Variants in SH2D3C observed in about 807,000 individuals in gnomAD.
The protein encoded by SH2D3C is SH2 domain-containing protein 3C.
SH2D3C carries 25 observed loss-of-function variants against 75.2 expected under a neutral mutation model. That is an observed-to-expected ratio of 0.33 (90% CI 0.24 to 0.46). The LOEUF is 0.46. Among genes scored for constraint, SH2D3C ranks in the 20% least tolerant of loss-of-function variants. The pLI is 1.00. For missense variants in SH2D3C, 933 were observed against 1,165.3 expected (o/e 0.80, Z 2.90); for synonymous variants, 450 against 473.7 (o/e 0.95, Z 0.65).
Position 127,754,762 on chromosome 9 carries a change from G to A in SH2D3C, c.556-3462C>T, listed in dbSNP as rs1845311454. 1.3e-5 allele frequency: 6 copies of A among 468,230 alleles called. No homozygotes were observed. Among genetic ancestry groups the A allele is most frequent in the East Asian group, 7.0e-5 (1 of 14,314 alleles). The allele number at this position is 468,230 out of a possible 1,614,324, so 29.0% of individuals were successfully genotyped here. A position where few individuals can be genotyped will look rare whatever the true frequency, so the allele number is the denominator to read the frequency against. ...CAGCGTACCAGGCGGAGGACCGGCA[G>A]GACGCCGGAGACCCCATCTCCCAGT... On this transcript the variant is annotated intron_variant, in intron 3 of 11. Transcript: ENST00000314830. This position sits in a 1 kb window ranked among gnomAD's most constrained non-coding sequence, Gnocchi z 4.4.
At chr9:127,743,068 G>A in intron 7 of SH2D3C, 104 bp from the exon 8 acceptor site, 1 of 711,514 alleles carries the variant, frequency 1.4e-6, no homozygotes, top group Non-Finnish European at 2.3e-6. Flanking sequence ...CTGGTTGGGA[G>A]GCGGGGTTTG....
chr9:127,740,000 G>A lies in SH2D3C; in HGVS notation c.2201-112C>T. ...ACGGGCCTGGCTGAGGTCCGGGAGA[G>A]AGCCCCAAGGGCTCCTGACTCCTGG... On this transcript the variant is annotated intron_variant, in intron 10 of 11. Transcript: ENST00000314830. This position sits in a 1 kb window ranked among gnomAD's most constrained non-coding sequence, Gnocchi z 4.3. 1 of 1,035,304 alleles carries A rather than the reference G, an allele frequency of 9.7e-7. No individual in the cohort carries two copies. The highest frequency in any genetic ancestry group is 1.4e-6 in the Non-Finnish European group (1 of 723,628). 64.1% of individuals were successfully genotyped at this position (1,035,304 alleles called of 1,614,324 possible).
At chr9:127,770,340 C>T (rs1156401608) in intron 2 of SH2D3C, among the ~76,000 whole-genome samples, 3 of 152,152 alleles carry the variant, frequency 2.0e-5, no homozygotes, top group Admixed American at 6.5e-5. Flanking sequence ...GGGATGGCCT[C>T]CTCTAGACAC....
chr9:127,750,861 A>T (rs532873332), intron 4 of SH2D3C, among the ~76,000 whole-genome samples: 2 of 152,394 alleles, frequency 1.3e-5, no homozygotes, highest in East Asian at 3.8e-4. Context: ...AGTAACAATA[A>T]CAGCATAATA....
chr9:127,773,100 G>GCTCATAAGC, intron 2 of SH2D3C, among the ~76,000 whole-genome samples: 1 of 152,270 alleles, frequency 6.6e-6, no homozygotes, highest in East Asian at 1.9e-4. Context: ...ATGAGCCACT[G>GCTCATAAGC]CACCCAGCCT....
At position 127,751,644 on chromosome 9, in the gene SH2D3C, G is replaced by A. The variant is rs547606230; in HGVS notation, c.556-344C>T. Among the ~76,000 whole-genome samples the A allele has an allele frequency of 1.3e-5, 2 of 152,358 alleles. No individual in the cohort carries two copies. Among genetic ancestry groups the A allele is most frequent in the South Asian group, 4.1e-4 (2 of 4,826 alleles). On this transcript the variant is annotated intron_variant, in intron 3 of 11. Transcript: ENST00000314830. This position sits in a 1 kb window ranked among gnomAD's most constrained non-coding sequence, Gnocchi z 4.1. ...GGTCAGCACCACAGCGCTGGACAGC[G>A]GCAAAGAGCCGGGTGGCTTTTACAA...
In SH2D3C at chr9:127,773,984, A is replaced by G. The variant is rs1325674154; in HGVS notation, c.515+6T>C. On this transcript the variant is annotated splice_donor_region_variant and intron_variant, in intron 2 of 11. Transcript: ENST00000314830. ...TGCAGGTCCCAACCAGCCCCTGGGC[A>G]CCTACCTTTCTGAGTGCACGTCCCT... 6.4e-7 allele frequency: 1 copy of G among 1,573,556 alleles called. No individual in the cohort carries two copies. The highest frequency in any genetic ancestry group is 8.7e-7 in the Non-Finnish European group (1 of 1,146,080).
chr9:127,744,525 G>A (rs746714693), intron 7 of SH2D3C, 39 bp downstream of exon 7: 20 of 1,567,918 alleles, frequency 1.3e-5, no homozygotes, highest in Non-Finnish European at 1.7e-5. Context: ...CCACAGAACA[G>A]AGATGCTCCC....
chr9:127,754,538 G>A lies in SH2D3C; in HGVS notation c.556-3238C>T, dbSNP rs943630385. ...GCCGCGGCGCCGTCCTGCACTGCCC[G>A]GCCAGCTGGGCTGGGAGAGACCCGC... On this transcript the variant is annotated intron_variant, in intron 3 of 11. Transcript: ENST00000314830. This position sits in a 1 kb window ranked among gnomAD's most constrained non-coding sequence, Gnocchi z 4.4. 6.6e-6 allele frequency among the ~76,000 whole-genome samples: 1 copy of A among 152,122 alleles called. No individual in the cohort carries two copies. The highest frequency in any genetic ancestry group is 2.4e-5 in the African/African-American group (1 of 41,438).
intron 2 of SH2D3C, among the ~76,000 whole-genome samples, chr9:127,769,210 C>CAAAATGACA (rs2131805477): frequency 6.6e-6 from 1 of 152,302 alleles, no homozygotes; most frequent in Non-Finnish European, 1.5e-5. Flanking sequence ...GTACCTCAGT[C>CAAAATGACA]AAAATGACAA....
intron 4 of SH2D3C, among the ~76,000 whole-genome samples, chr9:127,750,572 A>C (rs1371501726): frequency 1.3e-5 from 2 of 152,158 alleles, no homozygotes; most frequent in African/African-American, 4.8e-5. Flanking sequence ...CTAGGCTCTG[A>C]CTGTCATCCT....
At chr9:127,755,481 C>T (rs1380604091) in intron 3 of SH2D3C, among the ~76,000 whole-genome samples, 1 of 152,150 alleles carries the variant, frequency 6.6e-6, no homozygotes, top group Non-Finnish European at 1.5e-5. Context: ...AGGGTATTAC[C>T]GGGGGCAGCG....
chr9:127,757,564 C>T (rs1015485895), intron 3 of SH2D3C, among the ~76,000 whole-genome samples: 13 of 150,698 alleles, frequency 8.6e-5, no homozygotes, highest in African/African-American at 2.9e-4. Context: ...CTGAGTAGCT[C>T]TGAGTAGCTG....
Position 127,747,150 on chromosome 9 carries a change from T to C in SH2D3C, c.1261A>G (p.Thr421Ala). 1 of 1,613,786 alleles carries C rather than the reference T, an allele frequency of 6.2e-7. No individual in the cohort carries two copies. The highest frequency in any genetic ancestry group is 8.5e-7 in the Non-Finnish European group (1 of 1,179,918). ...CCACCCCCTCTGCTGGCCATACCAG[T>C]GCTGTAGGCAGGGGAGCTAGGGCTC... Reference protein sequence around the residue: ...SESPSSPAYSTVTRVHAAPAA... With the variant: ...SESPSSPAYSAVTRVHAAPAA... The change falls in exon 6 of 12, where the codon ACT (threonine) becomes GCT (alanine). Residue 421 changes from threonine to alanine, a missense_variant. Transcript: ENST00000314830.
intron 3 of SH2D3C, among the ~76,000 whole-genome samples, chr9:127,753,299 G>T (rs1210687074): frequency 6.6e-6 from 1 of 152,080 alleles, no homozygotes; most frequent in Non-Finnish European, 1.5e-5. Context: ...GATTCATGTG[G>T]GGGAGCAGGG....
At chr9:127,759,072 AC>A (rs1484787569) in intron 3 of SH2D3C, among the ~76,000 whole-genome samples, 1 of 152,178 alleles carries the variant, frequency 6.6e-6, no homozygotes, top group Non-Finnish European at 1.5e-5. Context: ...GGTTGGAGGC[AC>A]CCCTGTTACC....
chr9:127,745,955 C>T (rs1269122181), intron 6 of SH2D3C, among the ~76,000 whole-genome samples: 7 of 152,120 alleles, frequency 4.6e-5, no homozygotes, highest in Non-Finnish European at 8.8e-5. Flanking sequence ...CTATTTAATC[C>T]TTTCAATGTC....
chr9:127,766,638 C>T (rs1287558723), intron 2 of SH2D3C, among the ~76,000 whole-genome samples: 5 of 152,132 alleles, frequency 3.3e-5, no homozygotes, highest in African/African-American at 1.2e-4. Context: ...GTCATGATCT[C>T]GGCTCACTGC....
In SH2D3C at chr9:127,754,838, G is replaced by C. The variant is rs1845315557; in HGVS notation, c.556-3538C>G. ...CTGCGGAGGAGGCAGAAACGGACCG[G>C]CATCTACCGCAGCCCAGAGTCCCAG... On this transcript the variant is annotated intron_variant, in intron 3 of 11. Coordinates refer to ENST00000314830, the MANE Select transcript of SH2D3C (RefSeq NM_170600.3). The surrounding 1 kb of genome is among the most constrained non-coding windows in gnomAD (Gnocchi z 4.4). 2.0e-6 allele frequency: 1 copy of C among 493,630 alleles called. No homozygotes were observed. Among genetic ancestry groups the C allele is most frequent in the Admixed American group, 2.3e-5 (1 of 43,208 alleles). The allele number at this position is 493,630 out of a possible 1,614,324, so 30.6% of individuals were successfully genotyped here. A position where few individuals can be genotyped will look rare whatever the true frequency, so the allele number is the denominator to read the frequency against.
Sources: allele counts gnomAD v4.1 joint callset (sites outside exome capture counted in the v4.1 genomes callset), GRCh38; gene constraint gnomAD v4.1.1; non-coding constraint Gnocchi (gnomAD v3.1); transcripts MANE v1.5; gene names NCBI Gene and HGNC (gene_info 2026-07-23, HGNC 2026-07-21).